ANKFN1: variants seen among roughly 807,000 people sequenced by gnomAD.
The protein encoded by ANKFN1 is ankyrin repeat and fibronectin type III domain containing 1.
ANKFN1 carries 74 observed loss-of-function variants against 108.7 expected under a neutral mutation model. That is an observed-to-expected ratio of 0.68 (90% CI 0.56 to 0.83). The LOEUF is 0.83. Among genes scored for constraint, ANKFN1 ranks in the 40% least tolerant of loss-of-function variants. ANKFN1 has a pLI of 0.00. For missense variants in ANKFN1, 1,505 were observed against 1,382.3 expected, an observed-to-expected ratio of 1.09 and a Z score of -1.41; for synonymous variants, 547 against 516.2, an observed-to-expected ratio of 1.06 and a Z score of -0.81.
intron 3 of ANKFN1, among the ~76,000 whole-genome samples, chr17:56,307,694 G>A (rs1011369740): frequency 6.6e-6 from 1 of 152,194 alleles, no homozygotes; most frequent in Admixed American, 6.5e-5. Context: ...TCTAGAACTA[G>A]AAATGCCATT....
intron 4 of ANKFN1, among the ~76,000 whole-genome samples, chr17:56,109,744 G>A (rs1456483723): frequency 6.6e-6 from 1 of 152,228 alleles, no homozygotes; most frequent in African/African-American, 2.4e-5. Context: ...AAATTGGGAA[G>A]GGGAGAGCTG....
chr17:56,189,170 C>CTTTTTTTTTTTTTTTTTTTTTTTTTTT lies in ANKFN1; in HGVS notation c.-70-23410_-70-23409insTTTTTTTTTTTTTTTTTTTTTTTTTTT, dbSNP rs532063852. ...CCTAAGTAAGTAAATGTTGCCCTGA[C>CTTTTTTTTTTTTTTTTTTTTTTTTTTT]TTTTTTTTTTTTTTTTTTGAGACGG... On this transcript the variant is annotated intron_variant, in intron 1 of 20. Transcript: ENST00000682825. Among the ~76,000 whole-genome samples the CTTTTTTTTTTTTTTTTTTTTTTTTTTT allele has an allele frequency of 3.5e-5, 3 of 85,266 alleles. 1 individual carries two copies. The highest frequency in any genetic ancestry group is 2.0e-4 in the African/African-American group (3 of 14,762). 55.9% of individuals were successfully genotyped at this position (85,266 alleles called of 152,430 possible).
chr17:56,164,034 T>C (rs549975104), intron 1 of ANKFN1, among the ~76,000 whole-genome samples: 231 of 152,326 alleles, frequency 1.5e-3, no homozygotes, highest in Non-Finnish European at 2.7e-3. Context: ...GTGTAAAAAG[T>C]AATCCCCCAT....
intron 7 of ANKFN1, among the ~76,000 whole-genome samples, chr17:56,374,389 C>T (rs927852248): frequency 6.6e-6 from 1 of 152,138 alleles, no homozygotes; most frequent in Admixed American, 6.5e-5. Context: ...TTTACCTTTT[C>T]AGAAAATGTT....
At chr17:56,379,289 C>A (rs58457141) in intron 8 of ANKFN1, among the ~76,000 whole-genome samples, 16,508 of 151,736 alleles carry the variant, frequency 0.11, 2,959 homozygotes, top group African/African-American at 0.38. Flanking sequence ...GTCCCAGCTA[C>A]TCAGGAGGCT....
At chr17:56,083,832 C>A (rs1361582343) in intron 4 of ANKFN1, among the ~76,000 whole-genome samples, 1 of 151,358 alleles carries the variant, frequency 6.6e-6, no homozygotes, top group Non-Finnish European at 1.5e-5. Context: ...CACTTTTGAA[C>A]TATGAATAGC....
At chr17:56,143,844 C>T (rs1908071685) in intron 4 of ANKFN1, among the ~76,000 whole-genome samples, 1 of 152,096 alleles carries the variant, frequency 6.6e-6, no homozygotes. Context: ...CAGCAGCCAC[C>T]AGAAGCCAGG....
chr17:56,515,967 A>G lies in ANKFN1; in HGVS notation c.*4698A>G, dbSNP rs1028301156. Among the ~76,000 whole-genome samples, 1 of 152,208 alleles carries G rather than the reference A, an allele frequency of 6.6e-6. No homozygotes were observed. Among genetic ancestry groups the G allele is most frequent in the African/African-American group, 2.4e-5 (1 of 41,452 alleles). On this transcript the variant is annotated 3_prime_UTR_variant, in exon 21 of 21. Transcript: ENST00000682825. ...AATATTATCATAGGGTCTTTCTCCT[A>G]CAGATTTTTTTTTATTTTAGCAAAA...
chr17:56,096,653 G>T (rs1905541248), intron 4 of ANKFN1, among the ~76,000 whole-genome samples: 1 of 152,206 alleles, frequency 6.6e-6, no homozygotes, highest in Non-Finnish European at 1.5e-5. Flanking sequence ...TTTATACACT[G>T]CTGGTGGAAA....
At chr17:56,500,683 T>C (rs1414923799) in intron 20 of ANKFN1, among the ~76,000 whole-genome samples, 2 of 152,134 alleles carry the variant, frequency 1.3e-5, no homozygotes, top group Non-Finnish European at 2.9e-5. Context: ...AGAAAGCAGA[T>C]TGTACAACTG....
At chr17:56,364,221 TAATAA>T (rs972313194) in intron 6 of ANKFN1, among the ~76,000 whole-genome samples, 3 of 152,132 alleles carry the variant, frequency 2.0e-5, no homozygotes, top group African/African-American at 7.2e-5. Flanking sequence ...TATCAATTTA[TAATAA>T]AATAAAATTT....
intron 3 of ANKFN1, among the ~76,000 whole-genome samples, chr17:56,273,625 T>C (rs1382783858): frequency 6.6e-6 from 1 of 151,866 alleles, no homozygotes; most frequent in East Asian, 1.9e-4. Context: ...ACACAACTCA[T>C]TGAATAAAGA....
At chr17:56,068,654 C>A (rs988188700) in intron 4 of ANKFN1, among the ~76,000 whole-genome samples, 1 of 152,202 alleles carries the variant, frequency 6.6e-6, no homozygotes, top group East Asian at 1.9e-4. Flanking sequence ...GAAACACTCC[C>A]TTCTCAAGAC....
chr17:56,394,741 C>A (rs1032489900), intron 8 of ANKFN1, among the ~76,000 whole-genome samples: 3 of 152,306 alleles, frequency 2.0e-5, no homozygotes, highest in Admixed American at 6.5e-5. Context: ...TCTGTGACTA[C>A]CCAACTGGAC....
intron 4 of ANKFN1, among the ~76,000 whole-genome samples, chr17:56,072,821 G>A (rs988681955): frequency 6.6e-6 from 1 of 152,134 alleles, no homozygotes; most frequent in Admixed American, 6.6e-5. Context: ...ATGAGGAGAG[G>A]AGAAGGTGGG....
At chr17:56,410,238 G>C (rs1296562319) in intron 8 of ANKFN1, among the ~76,000 whole-genome samples, 1 of 152,060 alleles carries the variant, frequency 6.6e-6, no homozygotes, top group African/African-American at 2.4e-5. Context: ...ACCACGCCCA[G>C]CTAATTTTTG....
intron 8 of ANKFN1, 110 bp from the exon 9 acceptor site, chr17:56,440,217 A>T (rs2049054331): frequency 6.0e-6 from 3 of 503,302 alleles, no homozygotes; most frequent in Non-Finnish European, 1.1e-5. Flanking sequence ...GGGTGCACTT[A>T]ACTCTTTCTG....
At position 56,511,320 on chromosome 17, in the gene ANKFN1, C is replaced by T. The variant is rs1324400566; in HGVS notation, c.*51C>T. 4.1e-6 allele frequency: 6 copies of T among 1,453,922 alleles called. No individual in the cohort carries two copies. In the African/African-American group the frequency reaches 7.0e-5, roughly 17 times the overall value. 90.1% of individuals were successfully genotyped at this position (1,453,922 alleles called of 1,614,324 possible). A position where few individuals can be genotyped will look rare whatever the true frequency, so the allele number is the denominator to read the frequency against. On this transcript the variant is annotated 3_prime_UTR_variant, in exon 21 of 21. Coordinates refer to ENST00000682825, the MANE Select transcript of ANKFN1 (RefSeq NM_001370326.1). ...CTCCATGGCTGCTACCTGCGTTTTA[C>T]ATCACCCTTACCCCCATCCTGCCCC...
At chr17:56,446,837 G>A (rs143793405) in intron 10 of ANKFN1, among the ~76,000 whole-genome samples, 4 of 151,888 alleles carry the variant, frequency 2.6e-5, no homozygotes, top group Admixed American at 6.6e-5. Flanking sequence ...CTCAGGAGGC[G>A]GAGGTTGCAG....
Sources: allele counts gnomAD v4.1 joint callset (sites outside exome capture counted in the v4.1 genomes callset), GRCh38; gene constraint gnomAD v4.1.1; transcripts MANE v1.5; gene names NCBI Gene and HGNC (gene_info 2026-07-23, HGNC 2026-07-21).